The following TENM2 variants were observed in gnomAD, a reference collection of about 807,000 sequenced individuals.
TENM2 encodes the protein teneurin-2.
Under a neutral mutation model 245.2 loss-of-function variants are expected in TENM2, and 52 were observed. The ratio of observed to expected loss-of-function variants is 0.21; its 90% CI spans 0.17 to 0.27. TENM2 has a LOEUF of 0.27. TENM2 is among the 10% of genes least tolerant of loss of function. The probability of loss-of-function intolerance (pLI) is 1.00; values close to 1 mark genes in which losing one functional copy is unlikely to be tolerated. For missense variants in TENM2, 3,046 were observed against 3,666.8 expected (o/e 0.83, Z 4.37); for synonymous variants, 1,363 against 1,438.9 (o/e 0.95, Z 1.19).
intron 5 of TENM2, among the ~76,000 whole-genome samples, chr5:168,042,722 C>T (rs151253496): frequency 4.4e-4 from 67 of 152,284 alleles, no homozygotes; most frequent in Admixed American, 3.7e-3. Flanking sequence ...CCTCACTCCA[C>T]GTAGGTCTGT....
At chr5:167,262,132 A>T in the TENM2 span, among the ~76,000 whole-genome samples, 7 of 152,184 alleles carry the variant, frequency 4.6e-5, no homozygotes, top group African/African-American at 1.7e-4. Context: ...TTTGGAAGAG[A>T]TAACACAAGA....
the TENM2 span, among the ~76,000 whole-genome samples, chr5:167,076,514 G>T: frequency 5.3e-5 from 8 of 152,100 alleles, no homozygotes; most frequent in Non-Finnish European, 1.2e-4. Flanking sequence ...TATGTTTTAG[G>T]CAATGCATCC....
chr5:167,597,322 C>T (rs528759902), intron 2 of TENM2, among the ~76,000 whole-genome samples: 3 of 152,058 alleles, frequency 2.0e-5, no homozygotes, highest in Admixed American at 6.5e-5. Context: ...TGCACAACCA[C>T]GCCTGGCTCA....
At chr5:167,950,976 A>G (rs1306603216) in intron 3 of TENM2, among the ~76,000 whole-genome samples, 1 of 152,184 alleles carries the variant, frequency 6.6e-6, no homozygotes, top group East Asian at 1.9e-4. Flanking sequence ...TCTAAACATC[A>G]CAAAGAAAAC....
chr5:167,605,294 ATATT>A (rs1263814337), intron 2 of TENM2, among the ~76,000 whole-genome samples: 1 of 152,168 alleles, frequency 6.6e-6, no homozygotes, highest in Non-Finnish European at 1.5e-5. Context: ...ATTCTTTTTT[ATATT>A]TATTTATTAC....
chr5:167,960,804 C>G (rs1488661145), intron 4 of TENM2, among the ~76,000 whole-genome samples: 3 of 152,202 alleles, frequency 2.0e-5, no homozygotes, highest in African/African-American at 7.2e-5. Context: ...CAGTTTTGTG[C>G]TTGAAACCCA....
chr5:167,861,297 T>G (rs900095307), intron 2 of TENM2, among the ~76,000 whole-genome samples: 1 of 152,086 alleles, frequency 6.6e-6, no homozygotes, highest in Non-Finnish European at 1.5e-5. Context: ...CATTTCCTAG[T>G]GCACGATAAT....
intron 4 of TENM2, among the ~76,000 whole-genome samples, chr5:167,990,664 C>T (rs1783598825): frequency 6.6e-6 from 1 of 152,034 alleles, no homozygotes; most frequent in Non-Finnish European, 1.5e-5. Context: ...TAAAATGGAG[C>T]ATTAAAAAAG....
At chr5:167,659,876 T>C (rs1432802519) in intron 2 of TENM2, among the ~76,000 whole-genome samples, 3 of 152,312 alleles carry the variant, frequency 2.0e-5, no homozygotes, top group Admixed American at 2.0e-4. Context: ...GAGATAATGT[T>C]ACCTCTTCCT....
chr5:167,590,358 A>G (rs981694114), intron 2 of TENM2, among the ~76,000 whole-genome samples: 3 of 152,052 alleles, frequency 2.0e-5, no homozygotes, highest in Admixed American at 6.6e-5. Context: ...AATGCGTACT[A>G]TATTTTCTCC....
At chr5:167,894,266 T>C (rs1774997103) in intron 3 of TENM2, among the ~76,000 whole-genome samples, 1 of 152,172 alleles carries the variant, frequency 6.6e-6, no homozygotes, top group Non-Finnish European at 1.5e-5. Context: ...TTCTGGGTAT[T>C]ACCAGTGAAG....
chr5:168,108,023 G>T (rs6867056), intron 9 of TENM2, among the ~76,000 whole-genome samples: 27,544 of 152,216 alleles, frequency 0.18, 2,700 homozygotes, highest in Admixed American at 0.25. Flanking sequence ...GACAAAATAT[G>T]TGCCTGCTAA....
At chr5:167,669,363 G>GC (rs5873055) in intron 2 of TENM2, among the ~76,000 whole-genome samples, 48,389 of 151,998 alleles carry the variant, frequency 0.32, 10,244 homozygotes, top group East Asian at 0.92. Flanking sequence ...GGTGTATATA[G>GC]TTTTGTTCAA....
rs552708570 is a variant in TENM2, at chr5:167,882,705, A to G, written c.712+6510A>G. Among the ~76,000 whole-genome samples the G allele has an allele frequency of 2.6e-5, 4 of 152,264 alleles. No homozygotes were observed. The South Asian group carries it at 8.3e-4, about 32-fold the overall frequency. On this transcript the variant is annotated intron_variant, in intron 3 of 28. Transcript: ENST00000518659. ...AAAACCATCAGATCTCATGAGACTC[A>G]CTCACTATCATGAGAACAGCATGGG...
the TENM2 span, among the ~76,000 whole-genome samples, chr5:167,041,044 T>C: frequency 0.63 from 95,614 of 152,032 alleles, 32,124 homozygotes; most frequent in African/African-American, 0.88. Context: ...ACACATCAGA[T>C]GTTTGCTGAA....
chr5:167,338,679 C>T (rs1666662148), intron 1 of TENM2, among the ~76,000 whole-genome samples: 2 of 152,236 alleles, frequency 1.3e-5, no homozygotes, highest in South Asian at 2.1e-4. Context: ...ACCTTGCTTG[C>T]TATGTATTAG....
intron 1 of TENM2, among the ~76,000 whole-genome samples, chr5:167,368,587 C>G (rs1760204474): frequency 6.6e-6 from 1 of 151,998 alleles, no homozygotes; most frequent in Non-Finnish European, 1.5e-5. Context: ...TTATGAAACC[C>G]TGGATCGTAT....
intron 2 of TENM2, among the ~76,000 whole-genome samples, chr5:167,423,078 A>G (rs1763603682): frequency 6.7e-6 from 1 of 149,780 alleles, no homozygotes; most frequent in Non-Finnish European, 1.5e-5. Flanking sequence ...ATGAAACTTG[A>G]CACCGTACCT....
chr5:167,902,823 A>G (rs1322119310), intron 3 of TENM2, among the ~76,000 whole-genome samples: 1 of 152,224 alleles, frequency 6.6e-6, no homozygotes, highest in South Asian at 2.1e-4. Flanking sequence ...AAGGAGCAGG[A>G]CATTTAGGTT....
Sources: gnomAD v4.1 joint callset for allele counts (sites outside exome capture counted in the v4.1 genomes callset) on GRCh38, gnomAD v4.1.1 for gene constraint, MANE v1.5 for transcripts, NCBI Gene and HGNC (gene_info 2026-07-23, HGNC 2026-07-21) for gene names.